PAPPA: variants seen among roughly 807,000 people sequenced by gnomAD.
PAPPA encodes the protein pappalysin-1.
A neutral mutation model predicts 164.0 loss-of-function variants in PAPPA; 60 were observed. The observed-to-expected ratio is 0.37, with a 90% confidence interval of 0.30 to 0.45. The LOEUF (loss-of-function observed/expected upper bound fraction) is 0.45. Ranked by LOEUF, PAPPA falls within the 20% of genes least tolerant of loss-of-function variation. The pLI, the probability that PAPPA is intolerant of heterozygous loss-of-function variation, is 1.00. For missense variants in PAPPA, 1,782 were observed against 2,087.3 expected, an observed-to-expected ratio of 0.85 and a Z score of 2.85; for synonymous variants, 875 against 814.1, an observed-to-expected ratio of 1.07 and a Z score of -1.27.
At chr9:116,289,242 TATA>T (rs1312184586) in intron 9 of PAPPA, among the ~76,000 whole-genome samples, 12 of 87,376 alleles carry the variant, frequency 1.4e-4, no homozygotes, top group East Asian at 9.2e-4. Context: ...AGCATATATA[TATA>T]GCATATATGT....
chr9:116,169,307 A>ATTTTTTTTTT (rs1843748582), intron 1 of PAPPA, among the ~76,000 whole-genome samples: 6 of 41,334 alleles, frequency 1.5e-4, no homozygotes, highest in East Asian at 4.5e-4. Flanking sequence ...CTCCAAACCC[A>ATTTTTTTTTT]TTCTTTTTTT....
chr9:116,379,328 C>A (rs1846696117), intron 20 of PAPPA, among the ~76,000 whole-genome samples: 1 of 152,100 alleles, frequency 6.6e-6, no homozygotes. Context: ...CAGAGGTATC[C>A]AAGATAAAGA....
intron 13 of PAPPA, among the ~76,000 whole-genome samples, chr9:116,335,649 A>G (rs991802786): frequency 6.6e-6 from 1 of 152,150 alleles, no homozygotes; most frequent in African/African-American, 2.4e-5. Context: ...TTGAGGTGCC[A>G]TCTGTTAATG....
intron 1 of PAPPA, among the ~76,000 whole-genome samples, chr9:116,156,660 A>C (rs1843608876): frequency 6.6e-6 from 1 of 152,008 alleles, no homozygotes; most frequent in Admixed American, 6.5e-5. Flanking sequence ...ATTCTGGTGG[A>C]TTTCTTTTCC....
At chr9:116,156,050 G>C (rs1252572410) in intron 1 of PAPPA, among the ~76,000 whole-genome samples, 1 of 151,388 alleles carries the variant, frequency 6.6e-6, no homozygotes, top group Non-Finnish European at 1.5e-5. Flanking sequence ...TAGAGCTGTA[G>C]TATGTTGACT....
At chr9:116,340,938 C>A (rs575615173) in intron 13 of PAPPA, among the ~76,000 whole-genome samples, 6 of 152,160 alleles carry the variant, frequency 3.9e-5, no homozygotes, top group South Asian at 2.1e-4. Flanking sequence ...AGTAGAGAGA[C>A]TCATCTTCTC....
intron 9 of PAPPA, among the ~76,000 whole-genome samples, chr9:116,283,575 G>A (rs1163102043): frequency 6.6e-6 from 1 of 152,176 alleles, no homozygotes; most frequent in Non-Finnish European, 1.5e-5. Flanking sequence ...TGAATGGGAT[G>A]CTCTTCAAGG....
intron 10 of PAPPA, among the ~76,000 whole-genome samples, chr9:116,324,801 G>T (rs530162328): frequency 1.3e-5 from 2 of 152,130 alleles, no homozygotes; most frequent in African/African-American, 4.8e-5. Flanking sequence ...CACAACATGT[G>T]AGAGAAAGAG....
At chr9:116,293,631 G>C (rs960234619) in intron 9 of PAPPA, among the ~76,000 whole-genome samples, 9 of 152,222 alleles carry the variant, frequency 5.9e-5, no homozygotes, top group Non-Finnish European at 1.0e-4. Context: ...AGCTAGTTGG[G>C]GAAGTTAAAA....
chr9:116,172,009 G>A (rs1225448980), intron 1 of PAPPA, among the ~76,000 whole-genome samples: 1 of 152,208 alleles, frequency 6.6e-6, no homozygotes, highest in Non-Finnish European at 1.5e-5. Context: ...CTCTCTGGAA[G>A]TTGAGTCTAC....
intron 19 of PAPPA, chr9:116,373,616 G>A (rs1038635363): frequency 6.6e-6 from 1 of 151,772 alleles, no homozygotes; most frequent in Admixed American, 6.6e-5. Context: ...TGTCTTCTTG[G>A]GCCTTCATCT....
intron 4 of PAPPA, among the ~76,000 whole-genome samples, chr9:116,212,304 G>A (rs552557646): frequency 6.6e-6 from 1 of 152,252 alleles, no homozygotes; most frequent in South Asian, 2.1e-4. Flanking sequence ...ATTATGACAT[G>A]AGATTGAGTA....
chr9:116,369,762 T>G (rs1474851117), intron 19 of PAPPA, among the ~76,000 whole-genome samples: 1 of 132,194 alleles, frequency 7.6e-6, no homozygotes. Flanking sequence ...CTCCCCACCA[T>G]TGCCCACCCG....
chr9:116,174,939 ATT>A (rs756725412), intron 1 of PAPPA, among the ~76,000 whole-genome samples: 1 of 151,922 alleles, frequency 6.6e-6, no homozygotes, highest in African/African-American at 2.4e-5. Flanking sequence ...CCAAATAGAA[ATT>A]TTTTTCTCTG....
At chr9:116,327,162 G>A (rs1412404364) in intron 10 of PAPPA, among the ~76,000 whole-genome samples, 2 of 152,170 alleles carry the variant, frequency 1.3e-5, no homozygotes, top group Non-Finnish European at 2.9e-5. Context: ...CACTCTTGAT[G>A]TGTTCCACAA....
chr9:116,228,334 C>T (rs1844541735), intron 6 of PAPPA, among the ~76,000 whole-genome samples: 1 of 152,158 alleles, frequency 6.6e-6, no homozygotes, highest in African/African-American at 2.4e-5. Context: ...ATAGACCCTG[C>T]CCCCACCCAG....
intron 1 of PAPPA, among the ~76,000 whole-genome samples, chr9:116,183,473 T>A (rs1843931554): frequency 6.6e-6 from 1 of 152,138 alleles, no homozygotes; most frequent in Non-Finnish European, 1.5e-5. Flanking sequence ...ACCTGACAAG[T>A]CAAGCTCAGA....
intron 15 of PAPPA, among the ~76,000 whole-genome samples, chr9:116,348,359 C>T (rs1033481602): frequency 6.6e-6 from 1 of 151,784 alleles, no homozygotes; most frequent in Non-Finnish European, 1.5e-5. Context: ...CCCTCCCACC[C>T]TCATCTCAAG....
chr9:116,331,282 T>A lies in PAPPA; in HGVS notation c.3186T>A (p.Ile1062=). The change falls in exon 11 of 22, where the codon ATT becomes ATA. Residue 1062 remains isoleucine (I), a synonymous_variant. Coordinates refer to ENST00000328252, the MANE Select transcript of PAPPA (RefSeq NM_002581.5). ...RTKVIDLSEG[I]SQHAWYPCTI... is the part of the protein sequence containing the mutation. ...AGGTGATAGATCTCAGTGAAGGCAT[T>A]TCCCAGCATGCCTGGTACCCTTGCA... The A allele has an allele frequency of 6.2e-7, 1 of 1,613,642 alleles. No individual in the cohort carries two copies. The highest frequency in any genetic ancestry group is 8.5e-7 in the Non-Finnish European group (1 of 1,179,546).
Sources: allele counts gnomAD v4.1 joint callset (sites outside exome capture counted in the v4.1 genomes callset), GRCh38; gene constraint gnomAD v4.1.1; transcripts MANE v1.5; gene names NCBI Gene and HGNC (gene_info 2026-07-23, HGNC 2026-07-21).